The following CACHD1 variants were observed in gnomAD, a reference collection of about 807,000 sequenced individuals.
The protein encoded by CACHD1 is cache domain containing 1.
A neutral mutation model predicts 138.7 loss-of-function variants in CACHD1; 71 were observed. The ratio of observed to expected loss-of-function variants is 0.51; its 90% CI spans 0.42 to 0.62. The LOEUF (loss-of-function observed/expected upper bound fraction) is 0.62, where lower values mean the gene tolerates loss of function less well. CACHD1 is among the 20% of genes least tolerant of loss of function. The pLI, the probability that CACHD1 is intolerant of heterozygous loss-of-function variation, is 0.00. For missense variants in CACHD1, 1,389 were observed against 1,625.3 expected, an observed-to-expected ratio of 0.85 and a Z score of 2.50; for synonymous variants, 578 against 591.5, an observed-to-expected ratio of 0.98 and a Z score of 0.33.
At chr1:64,586,153 T>C (rs934227252) in intron 3 of CACHD1, among the ~76,000 whole-genome samples, 1 of 152,184 alleles carries the variant, frequency 6.6e-6, no homozygotes, top group African/African-American at 2.4e-5. Context: ...AGCCTCCATC[T>C]ACCAGGCTCA....
intron 1 of CACHD1, among the ~76,000 whole-genome samples, chr1:64,549,797 T>TTA (rs1553132089): frequency 1.3e-5 from 2 of 148,662 alleles, no homozygotes; most frequent in African/African-American, 5.2e-5. Flanking sequence ...CTCTTTTTAT[T>TTA]TTTTTTATTT....
chr1:64,540,357 A>T (rs929069445), intron 1 of CACHD1, among the ~76,000 whole-genome samples: 3 of 151,972 alleles, frequency 2.0e-5, no homozygotes, highest in Non-Finnish European at 4.4e-5. Context: ...GAGTGAAAAT[A>T]GGGGAGTGGA....
intron 3 of CACHD1, among the ~76,000 whole-genome samples, chr1:64,599,217 A>G (rs1647190039): frequency 6.6e-6 from 1 of 152,220 alleles, no homozygotes; most frequent in African/African-American, 2.4e-5. Context: ...GTCCAAATGG[A>G]CGAAGACAAT....
chr1:64,644,294 C>G (rs1570446476), intron 8 of CACHD1, among the ~76,000 whole-genome samples: 1 of 152,356 alleles, frequency 6.6e-6, no homozygotes, highest in African/African-American at 2.4e-5. Context: ...TACTGACCAC[C>G]TACCATGTAC....
intron 10 of CACHD1, 97 bp downstream of exon 10, chr1:64,652,407 T>A: frequency 8.9e-7 from 1 of 1,124,378 alleles, no homozygotes; most frequent in Non-Finnish European, 1.2e-6. Flanking sequence ...AATGATAGTG[T>A]AAAGAAGAGC....
At chr1:64,597,733 A>C (rs901142380) in intron 3 of CACHD1, among the ~76,000 whole-genome samples, 1 of 151,878 alleles carries the variant, frequency 6.6e-6, no homozygotes, top group Non-Finnish European at 1.5e-5. Context: ...AATGAAGCAA[A>C]CCAAACCTCT....
chr1:64,495,852 C>T (rs1472668360), intron 1 of CACHD1, among the ~76,000 whole-genome samples: 4 of 151,826 alleles, frequency 2.6e-5, no homozygotes, highest in Admixed American at 2.0e-4. Context: ...TCTTCCCAGG[C>T]GTGTCTTTCA....
chr1:64,662,486 C>T (rs904113998), intron 13 of CACHD1, among the ~76,000 whole-genome samples: 1 of 152,158 alleles, frequency 6.6e-6, no homozygotes, highest in Non-Finnish European at 1.5e-5. Context: ...TCTTAGGCCT[C>T]AAGCTATTTC....
chr1:64,629,612 A>G, intron 5 of CACHD1, 131 bp downstream of exon 5: 1 of 1,122,708 alleles, frequency 8.9e-7, no homozygotes, highest in Non-Finnish European at 1.2e-6. Context: ...TTGTTCTGAA[A>G]TGAATTCACC....
chr1:64,653,670 G>A, intron 10 of CACHD1, 88 bp from the exon 11 acceptor site: 1 of 1,400,076 alleles, frequency 7.1e-7, no homozygotes, highest in Non-Finnish European at 9.8e-7. Context: ...CGGGCAGCCA[G>A]CCCAGAGTAC....
intron 6 of CACHD1, among the ~76,000 whole-genome samples, chr1:64,632,997 A>G (rs955543692): frequency 6.6e-6 from 1 of 152,216 alleles, no homozygotes; most frequent in Non-Finnish European, 1.5e-5. Flanking sequence ...AGCCTATTTT[A>G]TAACATAATA....
At chr1:64,644,895 C>G (rs952028321) in intron 8 of CACHD1, among the ~76,000 whole-genome samples, 1 of 152,152 alleles carries the variant, frequency 6.6e-6, no homozygotes, top group Admixed American at 6.5e-5. Flanking sequence ...GTCAGGAGTT[C>G]GAGACCAGCC....
At chr1:64,621,569 C>A (rs990242964) in intron 4 of CACHD1, among the ~76,000 whole-genome samples, 18 of 152,122 alleles carry the variant, frequency 1.2e-4, no homozygotes, top group African/African-American at 4.1e-4. Flanking sequence ...ATACCAGGTA[C>A]TATAAGAGAG....
chr1:64,527,002 T>C (rs1646544751), intron 1 of CACHD1, among the ~76,000 whole-genome samples: 1 of 152,226 alleles, frequency 6.6e-6, no homozygotes, highest in African/African-American at 2.4e-5. Flanking sequence ...GTTTGATCTG[T>C]AGCGAGCAGT....
chr1:64,566,565 C>T lies in CACHD1; in HGVS notation c.262-15591C>T, dbSNP rs1047129323. ...TAGACTCTGTCCTCCTCACTCCTTC[C>T]CCTAGCAATTCCTCTTATTTGTTTG... On this transcript the variant is annotated intron_variant, in intron 2 of 26. Transcript: ENST00000651257. 3.3e-5 allele frequency among the ~76,000 whole-genome samples: 5 copies of T among 149,924 alleles called. No homozygotes were observed. In the South Asian group the frequency reaches 1.1e-3, roughly 32 times the overall value.
chr1:64,591,037 T>C (rs1433698001), intron 3 of CACHD1, among the ~76,000 whole-genome samples: 3 of 152,230 alleles, frequency 2.0e-5, no homozygotes, highest in Non-Finnish European at 2.9e-5. Flanking sequence ...TGTTTGTTTG[T>C]TTTTAAACTG....
At chr1:64,622,070 A>G (rs1300148873) in intron 4 of CACHD1, among the ~76,000 whole-genome samples, 1 of 152,210 alleles carries the variant, frequency 6.6e-6, no homozygotes, top group African/African-American at 2.4e-5. Flanking sequence ...CGAATTAAAT[A>G]GAAAATGCAA....
At chr1:64,630,612 G>T (rs1373965998) in intron 5 of CACHD1, among the ~76,000 whole-genome samples, 1 of 152,058 alleles carries the variant, frequency 6.6e-6, no homozygotes, top group Non-Finnish European at 1.5e-5. Context: ...TGTGTGTGTG[G>T]TTTCTTCCTT....
intron 3 of CACHD1, among the ~76,000 whole-genome samples, chr1:64,596,677 C>T (rs1647154631): frequency 6.6e-6 from 1 of 152,214 alleles, no homozygotes; most frequent in Admixed American, 6.5e-5. Context: ...CACTTCTGAT[C>T]TGATACCAAG....
Sources: gnomAD v4.1 joint callset for allele counts (sites outside exome capture counted in the v4.1 genomes callset) on GRCh38, gnomAD v4.1.1 for gene constraint, MANE v1.5 for transcripts, NCBI Gene and HGNC (gene_info 2026-07-23, HGNC 2026-07-21) for gene names.